The following CHD4 variants were observed in gnomAD, a reference collection of about 807,000 sequenced individuals.
CHD4 encodes chromodomain helicase DNA binding protein 4, also known as ATP-dependent chromatin remodeler CHD4.
A neutral mutation model predicts 235.5 loss-of-function variants in CHD4; 35 were observed. The ratio of observed to expected loss-of-function variants is 0.15; its 90% CI spans 0.11 to 0.20. The LOEUF (loss-of-function observed/expected upper bound fraction) is 0.20. CHD4 is among the 10% of genes least tolerant of loss of function. CHD4 has a pLI of 1.00. For missense variants in CHD4, 1,329 were observed against 2,432.3 expected (o/e 0.55, Z 9.54); for synonymous variants, 900 against 850.2 (o/e 1.06, Z -1.02).
intron 30 of CHD4, 61 bp from the exon 31 acceptor site, chr12:6,581,875 G>C: frequency 6.8e-7 from 1 of 1,481,206 alleles, no homozygotes; most frequent in Non-Finnish European, 9.0e-7. Flanking sequence ...TTTCCTATTG[G>C]CCTTCCAGTC....
intron 20 of CHD4, 36 bp downstream of exon 20, chr12:6,591,880 C>T (rs1330639824): frequency 6.2e-7 from 1 of 1,613,842 alleles, no homozygotes; most frequent in Non-Finnish European, 8.5e-7. Context: ...TGGAGAAGAC[C>T]CAACCCAGGG....
chr12:6,601,842 T>G, intron 4 of CHD4, 76 bp from the exon 5 acceptor site: 1 of 1,567,262 alleles, frequency 6.4e-7, no homozygotes, highest in South Asian at 1.1e-5. Context: ...TGTGGAAAAA[T>G]CAGAGTAACA....
chr12:6,592,613 G>C (rs184861104), intron 18 of CHD4, 47 bp from the exon 19 acceptor site: 1 of 1,582,138 alleles, frequency 6.3e-7, no homozygotes, highest in South Asian at 1.1e-5. Context: ...GAGAAAGGAA[G>C]AAAGAAAAGT....
At position 6,602,573 on chromosome 12, in the gene CHD4, T is replaced by C. The variant is rs1948616513; in HGVS notation, c.101-76A>G. ...AGGTTAGGCCCTAATCCAGAGGCTT[T>C]AGACTTTATTCCCCACCTCTTGTCC... is the stretch of plus-strand genomic sequence containing the variant. On this transcript the variant is annotated intron_variant, in intron 2 of 39. Coordinates refer to ENST00000544040, the MANE Select transcript of CHD4 (RefSeq NM_001273.5). The C allele has an allele frequency of 2.6e-6, 4 of 1,551,422 alleles. No homozygotes were observed. In the South Asian group the frequency reaches 4.8e-5, roughly 19 times the overall value.
chr12:6,599,016 C>G (rs1012949629), intron 10 of CHD4, among the ~76,000 whole-genome samples: 4 of 152,204 alleles, frequency 2.6e-5, no homozygotes, highest in African/African-American at 9.6e-5. Flanking sequence ...ACCATCACTC[C>G]TATCTGCTTA....
chr12:6,570,440 A>G lies in CHD4; in HGVS notation c.*236T>C. ...GGGAGAAGCCAGGGTCCAGAAGGCC[A>G]GCCCGCCAGCTCCTGCAGATGGCGC... On this transcript the variant is annotated 3_prime_UTR_variant, in exon 40 of 40. Coordinates refer to ENST00000544040, the MANE Select transcript of CHD4 (RefSeq NM_001273.5). 1 of 569,612 alleles carries G rather than the reference A, an allele frequency of 1.8e-6. No homozygotes were observed. Among genetic ancestry groups the G allele is most frequent in the Non-Finnish European group, 3.1e-6 (1 of 321,212 alleles). 35.3% of individuals were successfully genotyped at this position (569,612 alleles called of 1,614,324 possible). A position where few individuals can be genotyped will look rare whatever the true frequency, so the allele number is the denominator to read the frequency against.
At chr12:6,594,396 G>T in intron 15 of CHD4, 63 bp downstream of exon 15, 1 of 1,475,866 alleles carries the variant, frequency 6.8e-7, no homozygotes, top group Non-Finnish European at 9.2e-7. Flanking sequence ...TCTACTCAGT[G>T]TAAGTTAAGG....
chr12:6,583,345 G>C lies in CHD4; in HGVS notation c.3913C>G (p.Gln1305Glu). ...EEEVEREIIK[Q>E]EESVDPDYWE... is the part of the protein sequence containing the mutation. Reference sequence around the variant, plus strand: ...TAGTCAGGATCCACACTTTCTTCCTGTTTAATGATTTCCCGTTCTACCTCC... The same window carrying C: ...TAGTCAGGATCCACACTTTCTTCCTCTTTAATGATTTCCCGTTCTACCTCC... Residue 1305 changes from glutamine to glutamate, a missense_variant, in exon 26 of 40, where the codon CAG (glutamine) becomes GAG (glutamate). By Grantham distance (29) the Gln-to-Glu change is conservative (BLOSUM62 2). Transcript: ENST00000544040. 3.7e-6 allele frequency: 6 copies of C among 1,613,560 alleles called. No individual in the cohort carries two copies. Among genetic ancestry groups the C allele is most frequent in the Non-Finnish European group, 5.1e-6 (6 of 1,179,562 alleles).
rs898161450 is a variant in CHD4 at position 6,570,619 on chromosome 12, CAA to C, written c.*55_*56del. 1.0e-4 allele frequency: 165 copies of C among 1,611,178 alleles called. No individual in the cohort carries two copies. The highest frequency in any genetic ancestry group is 1.4e-4 in the Non-Finnish European group (162 of 1,177,676). On this transcript the variant is annotated 3_prime_UTR_variant, in exon 40 of 40. Transcript: ENST00000544040. ...CAGGCCCCCAGGGGAGAAGCTGGGACAAGAGAAAGTGAGGAAGGTCACTGCTC... is the reference window on the plus strand; with the variant it reads ...CAGGCCCCCAGGGGAGAAGCTGGGACGAGAAAGTGAGGAAGGTCACTGCTC...
intron 33 of CHD4, chr12:6,579,349 C>G (rs1948131287): frequency 4.8e-6 from 1 of 208,090 alleles, no homozygotes; most frequent in African/African-American, 2.3e-5. Context: ...CTATGGGAGG[C>G]CGAGATGGGT....
At chr12:6,581,974 T>C (rs1948201406) in intron 30 of CHD4, among the ~76,000 whole-genome samples, 160 bp from the exon 31 acceptor site, 1 of 152,124 alleles carries the variant, frequency 6.6e-6, no homozygotes, top group Non-Finnish European at 1.5e-5. Flanking sequence ...AGCTAATTTT[T>C]GTATTTTTAG....
chr12:6,570,880 T>C lies in CHD4; in HGVS notation c.5710A>G (p.Thr1904Ala). 1 of 1,613,996 alleles carries C rather than the reference T, an allele frequency of 6.2e-7. No homozygotes were observed. Among genetic ancestry groups the C allele is most frequent in the Non-Finnish European group, 8.5e-7 (1 of 1,179,976 alleles). Residue 1904 changes from threonine to alanine, a missense_variant, in exon 39 of 40, where the codon ACC becomes GCC. Physicochemically the swap from Thr to Ala is moderately conservative, Grantham distance 58. Transcript: ENST00000544040. ...GAAAATGGTCCTACCTGCTGTGGGG[T>C]AGGTTCGGGTGCCCGGTTTGCCAGG... ...SRLANRAPEP[T>A]PQQVAQQQ
At chr12:6,576,871 A>G (rs1948080214) in intron 37 of CHD4, among the ~76,000 whole-genome samples, 1 of 152,094 alleles carries the variant, frequency 6.6e-6, no homozygotes, top group Non-Finnish European at 1.5e-5. Context: ...CTTAGTACAT[A>G]ATACCTGAAG....
intron 12 of CHD4, among the ~76,000 whole-genome samples, 163 bp from the exon 13 acceptor site, chr12:6,596,300 C>T (rs924998004): frequency 1.3e-5 from 2 of 152,186 alleles, no homozygotes; most frequent in Non-Finnish European, 2.9e-5. Flanking sequence ...CAAAAATTAT[C>T]TCTAATTTAT....
Position 6,601,942 on chromosome 12 carries a change from G to C in CHD4, c.438+18C>G, listed in dbSNP as rs757541932. ...CAAAAGTTTAACAGTACAAAGAAGA[G>C]GATGGAGGTCCAGGCACCTTTGAAT... is the stretch of plus-strand genomic sequence containing the variant. On this transcript the variant is annotated intron_variant, in intron 4 of 39. Coordinates refer to ENST00000544040, the MANE Select transcript of CHD4 (RefSeq NM_001273.5). 3 of 1,606,416 alleles carry C rather than the reference G, an allele frequency of 1.9e-6. No homozygotes were observed. Among genetic ancestry groups the C allele is most frequent in the Non-Finnish European group, 2.5e-6 (3 of 1,179,528 alleles).
chr12:6,592,030 T>C lies in CHD4; in HGVS notation c.2976A>G (p.Arg992=). The change falls in exon 20 of 40, where the codon CGA becomes CGG. Residue 992 remains arginine (R), a synonymous_variant. Transcript: ENST00000544040. ...CTCGGGCATTGAGTGCTTCAAAATT[T>C]CGAGTGAGGATGTACTTGTAGTATT... ...QKKYYKYILT[R]NFEALNARGG... The C allele has an allele frequency of 6.2e-7, 1 of 1,614,164 alleles. No homozygotes were observed. Among genetic ancestry groups the C allele is most frequent in the East Asian group, 2.2e-5 (1 of 44,886 alleles).
At position 6,588,328 on chromosome 12, in the gene CHD4, G is replaced by A. The variant is rs1948335803; in HGVS notation, c.3435C>T (p.Asp1145=). Residue 1145 remains aspartate, a synonymous_variant, in exon 23 of 40, where the codon GAC becomes GAT. Coordinates refer to ENST00000544040, the MANE Select transcript of CHD4 (RefSeq NM_001273.5). ...TGTCATTATGGGGGTTCCAGTCAGA[G>A]TCATAGATAATAACTGTGTCAGCAG... ...LATADTVIIY[D]SDWNPHNDIQ... 1 of 1,614,072 alleles carries A rather than the reference G, an allele frequency of 6.2e-7. No homozygotes were observed. The highest frequency in any genetic ancestry group is 1.7e-5 in the Admixed American group (1 of 60,000).
At chr12:6,588,167 AAAC>A in intron 23 of CHD4, 128 bp downstream of exon 23, 1 of 1,316,924 alleles carries the variant, frequency 7.6e-7, no homozygotes, top group Non-Finnish European at 1.0e-6. Context: ...ACAATAAGGT[AAAC>A]AACACAAAAA....
chr12:6,603,418 G>A (rs1948632749), intron 2 of CHD4, among the ~76,000 whole-genome samples: 1 of 152,136 alleles, frequency 6.6e-6, no homozygotes, highest in Non-Finnish European at 1.5e-5. Flanking sequence ...GGTAGAGAAA[G>A]GAGTGGAGAG....
Sources: gnomAD v4.1 joint callset for allele counts (sites outside exome capture counted in the v4.1 genomes callset) on GRCh38, gnomAD v4.1.1 for gene constraint, MANE v1.5 for transcripts, NCBI Gene and HGNC (gene_info 2026-07-23, HGNC 2026-07-21) for gene names.